The following RFFL variants were observed in gnomAD, a reference collection of about 807,000 sequenced individuals.
RFFL encodes the protein E3 ubiquitin-protein ligase rififylin.
In RFFL, 16 loss-of-function variants were observed where a neutral mutation model predicts 40.4. The ratio of observed to expected loss-of-function variants is 0.40; its 90% CI spans 0.27 to 0.60. The LOEUF is 0.60. Among genes scored for constraint, RFFL ranks in the 20% least tolerant of loss-of-function variants. RFFL has a pLI of 0.47. For synonymous variants in RFFL, 154 were observed against 167.9 expected, an observed-to-expected ratio of 0.92 and a Z score of 0.64; for missense variants, 367 against 451.7, an observed-to-expected ratio of 0.81 and a Z score of 1.70.
At chr17:35,057,218 C>T (rs1162145845) in intron 1 of RFFL, among the ~76,000 whole-genome samples, 1 of 152,080 alleles carries the variant, frequency 6.6e-6, no homozygotes, top group African/African-American at 2.4e-5. Context: ...CATGCCCAGC[C>T]CCACCACACT....
intron 2 of RFFL, chr17:35,025,358 G>C (rs372466415): frequency 5.9e-5 from 9 of 152,230 alleles, no homozygotes; most frequent in South Asian, 4.1e-4. Flanking sequence ...CAAGGGAAAA[G>C]AATGAGTATT....
At chr17:35,076,592 T>A (rs925717485) in intron 1 of RFFL, 1 of 151,244 alleles carries the variant, frequency 6.6e-6, no homozygotes, top group Non-Finnish European at 1.5e-5. Flanking sequence ...GCAGGAGAAT[T>A]GCTTGAACCC....
intron 4 of RFFL, 69 bp downstream of exon 4, chr17:35,017,454 G>A (rs2090981312): frequency 4.1e-6 from 4 of 973,036 alleles, no homozygotes; most frequent in African/African-American, 1.6e-5. Context: ...ACTCGACTCT[G>A]CTAAGAGGTT....
chr17:35,058,648 G>A (rs752738360), intron 1 of RFFL, among the ~76,000 whole-genome samples: 4 of 152,084 alleles, frequency 2.6e-5, no homozygotes, highest in Non-Finnish European at 5.9e-5. Flanking sequence ...GCAAGCAACT[G>A]TAATCCCAGC....
chr17:35,015,722 GAAATGCTAAGTTCA>G (rs2090969320), intron 5 of RFFL, among the ~76,000 whole-genome samples: 1 of 152,212 alleles, frequency 6.6e-6, no homozygotes, highest in Non-Finnish European at 1.5e-5. Flanking sequence ...ATAATTTCAG[GAAATGCTAAGTTCA>G]AAACAGCCAA....
intron 1 of RFFL, among the ~76,000 whole-genome samples, chr17:35,085,191 C>T (rs938552956): frequency 1.3e-5 from 2 of 152,102 alleles, no homozygotes; most frequent in Non-Finnish European, 2.9e-5. Flanking sequence ...TACAATAAAA[C>T]ATACTCAAAA....
intron 1 of RFFL, among the ~76,000 whole-genome samples, chr17:35,084,066 C>T (rs1386988273): frequency 6.6e-6 from 1 of 151,980 alleles, no homozygotes; most frequent in Non-Finnish European, 1.5e-5. Flanking sequence ...GGGTGAAACC[C>T]TGCCTCTGCT....
intron 1 of RFFL, among the ~76,000 whole-genome samples, chr17:35,047,234 C>G (rs1264734333): frequency 6.6e-6 from 1 of 152,120 alleles, no homozygotes; most frequent in Non-Finnish European, 1.5e-5. Flanking sequence ...GTTTCTGGCA[C>G]TCCAATGCAC....
chr17:35,075,916 A>G (rs2091373155), intron 1 of RFFL, among the ~76,000 whole-genome samples: 1 of 151,930 alleles, frequency 6.6e-6, no homozygotes, highest in Non-Finnish European at 1.5e-5. Flanking sequence ...ACTCCTTTCC[A>G]GTATTTAGTC....
At chr17:35,073,538 C>T (rs1385225106) in intron 1 of RFFL, among the ~76,000 whole-genome samples, 1 of 152,082 alleles carries the variant, frequency 6.6e-6, no homozygotes, top group African/African-American at 2.4e-5. Context: ...ATTCTCTGGC[C>T]CATCCTCACA....
intron 1 of RFFL, among the ~76,000 whole-genome samples, chr17:35,078,634 T>C (rs762216728): frequency 3.3e-5 from 5 of 152,186 alleles, no homozygotes; most frequent in African/African-American, 7.2e-5. Context: ...TTTCATAATA[T>C]GTGTAATACA....
At chr17:35,061,626 CTTT>C (rs71364702) in intron 1 of RFFL, among the ~76,000 whole-genome samples, 1 of 137,398 alleles carries the variant, frequency 7.3e-6, no homozygotes. Flanking sequence ...CGTGGCGTGC[CTTT>C]TTTTTTTTTT....
chr17:35,082,300 C>T (rs950180846), intron 1 of RFFL, among the ~76,000 whole-genome samples: 1 of 152,082 alleles, frequency 6.6e-6, no homozygotes, highest in Non-Finnish European at 1.5e-5. Context: ...GAACAAGAAA[C>T]GAAGACCAAA....
intron 2 of RFFL, 125 bp from the exon 3 acceptor site, chr17:35,021,906 C>T: frequency 1.1e-6 from 1 of 926,840 alleles, no homozygotes; most frequent in South Asian, 1.6e-5. Flanking sequence ...TTTTACTAAG[C>T]TCTCTCATAT....
At chr17:35,028,589 G>C (rs2091059526) in intron 1 of RFFL, among the ~76,000 whole-genome samples, 1 of 152,022 alleles carries the variant, frequency 6.6e-6, no homozygotes, top group Admixed American at 6.5e-5. Flanking sequence ...TGAACTCTTT[G>C]CTTACAGAGA....
chr17:35,057,441 C>T (rs763059944), intron 1 of RFFL, among the ~76,000 whole-genome samples: 1 of 151,700 alleles, frequency 6.6e-6, no homozygotes, highest in Non-Finnish European at 1.5e-5. Context: ...AAACATTCTC[C>T]CTAGCTCTTT....
intron 1 of RFFL, among the ~76,000 whole-genome samples, chr17:35,033,327 G>A (rs1364143959): frequency 6.6e-6 from 1 of 151,692 alleles, no homozygotes; most frequent in East Asian, 1.9e-4. Context: ...TCAGGAGTTC[G>A]AGACCAGCCT....
chr17:35,076,142 T>A (rs1197278546), intron 1 of RFFL, among the ~76,000 whole-genome samples: 2 of 151,700 alleles, frequency 1.3e-5, no homozygotes, highest in Non-Finnish European at 2.9e-5. Flanking sequence ...TACAGGCGCG[T>A]GCCACCACAC....
rs1452389073 is a variant in RFFL, at chr17:35,028,492, G to C, written c.-8-1931C>G. On this transcript the variant is annotated intron_variant, in intron 1 of 6. Coordinates refer to ENST00000394597, the MANE Select transcript of RFFL (RefSeq NM_001017368.2). ...TCAGAATAACCTAACAATTGTAAGA[G>C]GGCCCACTCAAATGCCAAGCATTGA... Among the ~76,000 whole-genome samples the C allele has an allele frequency of 3.3e-5, 5 of 152,054 alleles. No individual in the cohort carries two copies. In the East Asian group the frequency reaches 7.7e-4, roughly 23 times the overall value.
Sources: allele counts gnomAD v4.1 joint callset (sites outside exome capture counted in the v4.1 genomes callset), GRCh38; gene constraint gnomAD v4.1.1; transcripts MANE v1.5; gene names NCBI Gene and HGNC (gene_info 2026-07-23, HGNC 2026-07-21).